The following STK3 variants were observed in gnomAD, a reference collection of about 807,000 sequenced individuals.
The protein encoded by STK3 is serine/threonine kinase 3.
Under a neutral mutation model 58.0 loss-of-function variants are expected in STK3, and 41 were observed. The observed-to-expected ratio is 0.71, with a 90% confidence interval of 0.55 to 0.92. The LOEUF is 0.92. STK3 is among the 40% of genes least tolerant of loss of function. The pLI, the probability that STK3 is intolerant of heterozygous loss-of-function variation, is 0.00. For synonymous variants in STK3, 170 were observed against 191.0 expected, an observed-to-expected ratio of 0.89 and a Z score of 0.91; for missense variants, 479 against 602.7, an observed-to-expected ratio of 0.79 and a Z score of 2.15.
intron 8 of STK3, among the ~76,000 whole-genome samples, chr8:98,551,744 C>T (rs985060711): frequency 1.3e-5 from 2 of 152,122 alleles, no homozygotes; most frequent in Non-Finnish European, 2.9e-5. Flanking sequence ...TCCTTTACCC[C>T]CCGAATATGC....
At chr8:98,935,206 G>C (rs1195105638) in intron 1 of STK3, among the ~76,000 whole-genome samples, 1 of 152,214 alleles carries the variant, frequency 6.6e-6, no homozygotes, top group Non-Finnish European at 1.5e-5. Context: ...CTTCCTTCTT[G>C]CTGTGGGTCA....
chr8:98,736,136 T>C (rs1036979402), intron 4 of STK3, among the ~76,000 whole-genome samples: 1 of 152,184 alleles, frequency 6.6e-6, no homozygotes, highest in Non-Finnish European at 1.5e-5. Context: ...AAATAGCATT[T>C]ATTGTGCTTT....
intron 3 of STK3, among the ~76,000 whole-genome samples, chr8:98,433,927 TTCC>T (rs1818394312): frequency 6.6e-6 from 1 of 152,234 alleles, no homozygotes; most frequent in Non-Finnish European, 1.5e-5. Context: ...GGAATCCAGA[TTCC>T]TCCTATTAAC....
intron 1 of STK3, among the ~76,000 whole-genome samples, chr8:98,382,344 G>A (rs564920569): frequency 1.4e-4 from 21 of 152,296 alleles, no homozygotes; most frequent in African/African-American, 4.6e-4. Context: ...TGATTTTGAC[G>A]TTTGCTGATG....
chr8:98,811,543 AAG>A (rs1834214565), intron 1 of STK3, among the ~76,000 whole-genome samples: 1 of 106,186 alleles, frequency 9.4e-6, no homozygotes, highest in Non-Finnish European at 1.9e-5. Context: ...GAAAAGAAAA[AAG>A]AAAAAAAAAA....
At chr8:98,833,277 G>A (rs1234435408) in intron 3 of STK3, among the ~76,000 whole-genome samples, 1 of 152,202 alleles carries the variant, frequency 6.6e-6, no homozygotes, top group South Asian at 2.1e-4. Flanking sequence ...TTGGTTGAAA[G>A]AGTTAAGTTT....
chr8:98,617,482 T>C (rs1161412451), intron 6 of STK3, among the ~76,000 whole-genome samples: 11 of 140,652 alleles, frequency 7.8e-5, no homozygotes, highest in Non-Finnish European at 1.2e-4. Flanking sequence ...CTGAAGGAAA[T>C]AGAGACACAA....
At chr8:98,410,847 T>C (rs908838367) in intron 3 of STK3, among the ~76,000 whole-genome samples, 1 of 152,206 alleles carries the variant, frequency 6.6e-6, no homozygotes, top group Non-Finnish European at 1.5e-5. Flanking sequence ...GAGTGGATTC[T>C]AAGTGTTTCT....
At chr8:98,401,155 C>G (rs534987639), downstream of STK3, among the ~76,000 whole-genome samples, 1 of 152,096 alleles carries the variant, frequency 6.6e-6, no homozygotes, top group Admixed American at 6.5e-5. Flanking sequence ...TGAAGATGCC[C>G]GGCTGCCAGC....
chr8:98,800,897 G>A lies in STK3; in HGVS notation c.26+24618C>T, dbSNP rs1161327131. Among the ~76,000 whole-genome samples the A allele has an allele frequency of 1.3e-5, 2 of 152,202 alleles. No homozygotes were observed. Among genetic ancestry groups the A allele is most frequent in the African/African-American group, 4.8e-5 (2 of 41,454 alleles). ...ACCAAGGTGGGCTCCCGTGCAGCCG[G>A]AGCCTCCCCAACAGGCGCTGGCCCC... On this transcript the variant is annotated intron_variant, in intron 1 of 10. Transcript: ENST00000419617. This position sits in a 1 kb window ranked among gnomAD's most constrained non-coding sequence, Gnocchi z 4.8.
At chr8:98,921,326 T>G (rs1243720987) in intron 1 of STK3, 1 of 152,032 alleles carries the variant, frequency 6.6e-6, no homozygotes, top group East Asian at 1.9e-4. Flanking sequence ...AGAGCTTGTC[T>G]GGAGGTTCTA....
chr8:98,384,860 A>C (rs1366614138), intron 1 of STK3, among the ~76,000 whole-genome samples: 1 of 152,084 alleles, frequency 6.6e-6, no homozygotes, highest in Non-Finnish European at 1.5e-5. Flanking sequence ...AACCCTAGCC[A>C]ATATCTCATT....
intron 6 of STK3, among the ~76,000 whole-genome samples, chr8:98,700,223 G>A (rs1258332268): frequency 6.6e-6 from 1 of 152,180 alleles, no homozygotes; most frequent in Non-Finnish European, 1.5e-5. Context: ...TCGGAAAAGC[G>A]CAGTATTAGG....
intron 10 of STK3, among the ~76,000 whole-genome samples, chr8:98,489,303 T>G (rs1347582817): frequency 6.6e-6 from 1 of 152,160 alleles, no homozygotes; most frequent in Non-Finnish European, 1.5e-5. Context: ...AAGTTTAAAT[T>G]TACATGTTCT....
At chr8:98,410,510 C>T (rs1818042697) in intron 3 of STK3, among the ~76,000 whole-genome samples, 1 of 152,144 alleles carries the variant, frequency 6.6e-6, no homozygotes. Flanking sequence ...AAATACATTT[C>T]AGCTGACTCA....
intron 6 of STK3, among the ~76,000 whole-genome samples, chr8:98,676,363 G>A (rs527886748): frequency 1.4e-4 from 22 of 152,282 alleles, no homozygotes; most frequent in African/African-American, 4.6e-4. Flanking sequence ...GGTGGCTCAC[G>A]CCTGTAGTCC....
At chr8:98,856,320 CAAA>C (rs71572026) in intron 3 of STK3, among the ~76,000 whole-genome samples, 3 of 101,644 alleles carry the variant, frequency 3.0e-5, no homozygotes, top group Admixed American at 9.4e-5. Context: ...GACTCCATCT[CAAA>C]AAAAAAAAAA....
intron 6 of STK3, among the ~76,000 whole-genome samples, chr8:98,627,375 G>A (rs187579977): frequency 2.0e-5 from 3 of 151,848 alleles, no homozygotes; most frequent in Admixed American, 6.6e-5. Flanking sequence ...TTAGCCAAGC[G>A]TGGTGGCATG....
chr8:98,872,150 G>C (rs1292561158), intron 3 of STK3, among the ~76,000 whole-genome samples: 1 of 152,152 alleles, frequency 6.6e-6, no homozygotes, highest in Non-Finnish European at 1.5e-5. Context: ...TACGTTTATT[G>C]ATTTGCGTAT....
Sources: allele counts gnomAD v4.1 joint callset (sites outside exome capture counted in the v4.1 genomes callset), GRCh38; gene constraint gnomAD v4.1.1; non-coding constraint Gnocchi (gnomAD v3.1); transcripts MANE v1.5; gene names NCBI Gene and HGNC (gene_info 2026-07-23, HGNC 2026-07-21).